The following OSBPL10 variants were observed in gnomAD, a reference collection of about 807,000 sequenced individuals.
OSBPL10 encodes the protein oxysterol-binding protein-related protein 10.
Under a neutral mutation model 81.7 loss-of-function variants are expected in OSBPL10, and 49 were observed. That is an observed-to-expected ratio of 0.60 (90% confidence interval 0.48 to 0.76). The LOEUF (loss-of-function observed/expected upper bound fraction) is 0.76, where lower values mean the gene tolerates loss of function less well. OSBPL10 is among the 30% of genes least tolerant of loss of function. The pLI is 0.00. For synonymous variants in OSBPL10, 419 were observed against 383.6 expected (o/e 1.09, Z -1.08); for missense variants, 923 against 987.8 (o/e 0.93, Z 0.88).
chr3:31,706,296 T>C (rs992754653), intron 6 of OSBPL10, among the ~76,000 whole-genome samples: 4 of 152,126 alleles, frequency 2.6e-5, no homozygotes, highest in Admixed American at 1.3e-4. Context: ...CCTTAAGATA[T>C]CCACCCCCAT....
At chr3:31,874,771 C>T (rs550892591) in intron 3 of OSBPL10, among the ~76,000 whole-genome samples, 1 of 152,046 alleles carries the variant, frequency 6.6e-6, no homozygotes, top group South Asian at 2.1e-4. Context: ...ATAACGGCAA[C>T]CGTTGTAGAA....
chr3:31,709,118 A>C (rs1185340572), intron 6 of OSBPL10: 2 of 821,116 alleles, frequency 2.4e-6, no homozygotes, highest in East Asian at 1.2e-4. Context: ...GCTGGATCTT[A>C]TCCTTGACAG....
intron 6 of OSBPL10, chr3:31,718,128 C>CT (rs534220816): frequency 0.01 from 1,443 of 144,190 alleles, 19 homozygotes; most frequent in African/African-American, 0.034. Context: ...TCTTCTTCTT[C>CT]TTTTTTTTTT....
chr3:31,678,037 C>T (rs369973811), intron 8 of OSBPL10, among the ~76,000 whole-genome samples: 11 of 144,120 alleles, frequency 7.6e-5, no homozygotes, highest in Non-Finnish European at 1.0e-4. Context: ...GCCGAGATTG[C>T]GCCACTGCAG....
At chr3:31,771,673 G>T (rs1245609953) in intron 4 of OSBPL10, among the ~76,000 whole-genome samples, 1 of 152,078 alleles carries the variant, frequency 6.6e-6, no homozygotes, top group East Asian at 1.9e-4. Context: ...ATTTACTAAG[G>T]CTCCAGAGGA....
intron 4 of OSBPL10, among the ~76,000 whole-genome samples, chr3:31,748,638 G>C (rs1261515592): frequency 1.8e-5 from 1 of 55,424 alleles, no homozygotes; most frequent in Non-Finnish European, 3.6e-5. Flanking sequence ...CCCTTCGCTC[G>C]CTTGCAAAAA....
chr3:31,814,265 T>G (rs550541876), intron 4 of OSBPL10, among the ~76,000 whole-genome samples: 9 of 152,336 alleles, frequency 5.9e-5, no homozygotes, highest in African/African-American at 2.2e-4. Flanking sequence ...CTCATTGTAC[T>G]AAATCATAAA....
intron 5 of OSBPL10, among the ~76,000 whole-genome samples, chr3:31,743,578 A>T (rs1431340834): frequency 6.6e-6 from 1 of 152,232 alleles, no homozygotes; most frequent in African/African-American, 2.4e-5. Flanking sequence ...AAGCAAACAT[A>T]TATCCCAGAA....
At chr3:31,844,154 G>A (rs1016914240) in intron 3 of OSBPL10, among the ~76,000 whole-genome samples, 1 of 152,220 alleles carries the variant, frequency 6.6e-6, no homozygotes, top group African/African-American at 2.4e-5. Flanking sequence ...GGGGACCCAT[G>A]TATTATCTTT....
chr3:32,058,924 A>G (rs951260463), intron 1 of OSBPL10, among the ~76,000 whole-genome samples: 2 of 152,210 alleles, frequency 1.3e-5, no homozygotes, highest in African/African-American at 4.8e-5. Context: ...CCTGGGCTCA[A>G]GGGATCCTCC....
chr3:31,920,202 T>C (rs965595795), intron 1 of OSBPL10, among the ~76,000 whole-genome samples: 2 of 152,180 alleles, frequency 1.3e-5, no homozygotes, highest in African/African-American at 4.8e-5. Flanking sequence ...TTTAGGATGG[T>C]GAAAATATTC....
intron 5 of OSBPL10, among the ~76,000 whole-genome samples, chr3:31,746,646 C>T (rs1185863374): frequency 6.6e-6 from 1 of 150,766 alleles, no homozygotes; most frequent in East Asian, 1.9e-4. Flanking sequence ...CCATTGCACT[C>T]CAGCCTGGGC....
chr3:31,907,696 C>G (rs9813646), intron 1 of OSBPL10, among the ~76,000 whole-genome samples: 18,294 of 147,810 alleles, frequency 0.12, 1,785 homozygotes, highest in African/African-American at 0.27. Context: ...CATATAAGGA[C>G]CAGGACCAGA....
chr3:31,712,725 T>C (rs1205884138), intron 6 of OSBPL10, among the ~76,000 whole-genome samples: 4 of 152,366 alleles, frequency 2.6e-5, no homozygotes, highest in Non-Finnish European at 5.9e-5. Context: ...ATTAGCATTG[T>C]TTTAAATCAA....
chr3:31,825,917 C>T (rs993882604), intron 4 of OSBPL10, among the ~76,000 whole-genome samples: 2 of 152,082 alleles, frequency 1.3e-5, no homozygotes, highest in African/African-American at 4.8e-5. Flanking sequence ...AGTTATTTTC[C>T]TACTCATTTT....
chr3:31,920,229 G>A (rs562640073), intron 1 of OSBPL10, among the ~76,000 whole-genome samples: 16 of 152,258 alleles, frequency 1.1e-4, no homozygotes, highest in African/African-American at 3.6e-4. Flanking sequence ...ATACTGTATT[G>A]GTGGATATGT....
intron 3 of OSBPL10, among the ~76,000 whole-genome samples, chr3:31,870,502 T>C (rs1701293531): frequency 1.3e-5 from 2 of 152,210 alleles, no homozygotes; most frequent in South Asian, 2.1e-4. Flanking sequence ...GGAGTGCGAA[T>C]GCATGGCGCA....
chr3:32,020,243 T>A (rs1316203647), intron 2 of OSBPL10, among the ~76,000 whole-genome samples: 2 of 152,234 alleles, frequency 1.3e-5, no homozygotes, highest in African/African-American at 4.8e-5. Context: ...AGTTGTACAA[T>A]CGTCACCACA....
chr3:32,069,294 A>G (rs545442635), intron 1 of OSBPL10, among the ~76,000 whole-genome samples: 39 of 152,108 alleles, frequency 2.6e-4, no homozygotes, highest in Non-Finnish European at 4.6e-4. Context: ...GCCCAATCTC[A>G]TGCTGATAAC....
Sources: gnomAD v4.1 joint callset for allele counts (sites outside exome capture counted in the v4.1 genomes callset) on GRCh38, gnomAD v4.1.1 for gene constraint, MANE v1.5 for transcripts, NCBI Gene and HGNC (gene_info 2026-07-23, HGNC 2026-07-21) for gene names.